Variants in SMC2 observed in about 807,000 individuals in gnomAD.
The protein encoded by SMC2 is structural maintenance of chromosomes protein 2.
A neutral mutation model predicts 142.6 loss-of-function variants in SMC2; 41 were observed. The ratio of observed to expected loss-of-function variants is 0.29; its 90% CI spans 0.22 to 0.37. SMC2 has a LOEUF of 0.37. Ranked by LOEUF, SMC2 falls within the 10% of genes least tolerant of loss-of-function variation. SMC2 has a pLI of 1.00. For missense variants in SMC2, 1,265 were observed against 1,373.7 expected (o/e 0.92, Z 1.25); for synonymous variants, 463 against 457.5 (o/e 1.01, Z -0.15).
intron 22 of SMC2, among the ~76,000 whole-genome samples, chr9:104,133,233 G>A (rs1255847521): frequency 1.3e-5 from 2 of 151,874 alleles, no homozygotes; most frequent in Non-Finnish European, 2.9e-5. Flanking sequence ...TGTAGCATAG[G>A]GCTGTATTCT....
At chr9:104,111,456 GTTAAA>G in intron 9 of SMC2, 120 bp from the exon 10 acceptor site, 1 of 602,280 alleles carries the variant, frequency 1.7e-6, no homozygotes, top group Non-Finnish European at 2.9e-6. Flanking sequence ...AGTTATGATG[GTTAAA>G]TTATTTTATT....
chr9:104,093,972 G>T (rs1490356872), upstream of SMC2, among the ~76,000 whole-genome samples: 2 of 152,202 alleles, frequency 1.3e-5, no homozygotes, highest in Non-Finnish European at 2.9e-5. Flanking sequence ...AGCCAGCACC[G>T]CAGACTGGAG....
chr9:104,090,556 G>A (rs764134529), upstream of SMC2, among the ~76,000 whole-genome samples: 1 of 152,124 alleles, frequency 6.6e-6, no homozygotes, highest in African/African-American at 2.4e-5. Context: ...CAAAACTGCA[G>A]CCCTGCAACA....
intron 24 of SMC2, among the ~76,000 whole-genome samples, chr9:104,138,823 T>G (rs961025454): frequency 2.2e-4 from 34 of 152,226 alleles, no homozygotes; most frequent in Middle Eastern, 3.4e-3. Flanking sequence ...ACTTGAAACC[T>G]TCTTTGATAT....
intron 9 of SMC2, among the ~76,000 whole-genome samples, chr9:104,109,755 T>A (rs1288899111): frequency 2.0e-5 from 3 of 152,106 alleles, no homozygotes; most frequent in Non-Finnish European, 4.4e-5. Flanking sequence ...ATCAAAAAAA[T>A]TAAGAAGAAG....
intron 17 of SMC2, among the ~76,000 whole-genome samples, chr9:104,124,044 T>C (rs1194237138): frequency 6.6e-6 from 1 of 152,206 alleles, no homozygotes; most frequent in Non-Finnish European, 1.5e-5. Flanking sequence ...GTCCTAACAC[T>C]CACAATATAC....
rs2131305362 is a variant in SMC2, at chr9:104,100,181, C to A, written c.569C>A (p.Ala190Asp). ...AAQKTIEKKEAKLKEIKTILE... is the reference protein window; with the variant it reads ...AAQKTIEKKEDKLKEIKTILE... The stretch of plus-strand genomic sequence containing the variant: ...CAGAAAACTATAGAAAAAAAGGAGG[C>A]TAAGCTGAAAGAAATTAAGACGGTA... Residue 190 changes from alanine to aspartate, a missense_variant, in exon 6 of 25, where the codon GCT becomes GAT. Transcript: ENST00000374793. The A allele has an allele frequency of 1.3e-6, 2 of 1,562,074 alleles. No individual in the cohort carries two copies. The highest frequency in any genetic ancestry group is 2.2e-5 in the Admixed American group (1 of 45,984).
chr9:104,090,147 C>A (rs574231026), upstream of SMC2, among the ~76,000 whole-genome samples: 364 of 152,226 alleles, frequency 2.4e-3, 2 homozygotes, highest in Non-Finnish European at 4.0e-3. Flanking sequence ...TTTATAAACT[C>A]ATAGAAATAA....
upstream of SMC2, among the ~76,000 whole-genome samples, chr9:104,093,953 G>C (rs1000182516): frequency 2.0e-5 from 3 of 152,230 alleles, no homozygotes; most frequent in Non-Finnish European, 4.4e-5. Context: ...GGAGAGAAAA[G>C]TAAGCCACAG....
chr9:104,126,547 G>C (rs1463036849), intron 18 of SMC2, 94 bp from the exon 19 acceptor site: 6 of 906,038 alleles, frequency 6.6e-6, no homozygotes, highest in Non-Finnish European at 9.3e-6. Flanking sequence ...GGTCTTACTT[G>C]CATGAGATTA....
rs148614543 is a variant in SMC2, at chr9:104,118,856, A to T, written c.1996+481A>T. Among the ~76,000 whole-genome samples the T allele has an allele frequency of 5.7e-3, 870 of 152,298 alleles. 5 individuals carry two copies. Among genetic ancestry groups the T allele is most frequent in the South Asian group, 0.035 (171 of 4,828 alleles). ...GATAATTCGACAATGCAGATATAGA[A>T]CATGTCTATCATTCTATAAAGCCCT... On this transcript the variant is annotated intron_variant, in intron 15 of 24. Coordinates refer to ENST00000374793, the MANE Select transcript of SMC2 (RefSeq NM_006444.3).
chr9:104,102,296 A>T, intron 8 of SMC2, 103 bp downstream of exon 8: 1 of 1,085,642 alleles, frequency 9.2e-7, no homozygotes, highest in Non-Finnish European at 1.3e-6. Context: ...TTCCGTATTG[A>T]TTTGTTAATC....
chr9:104,105,311 G>A (rs1003747536), intron 9 of SMC2, among the ~76,000 whole-genome samples: 4 of 152,074 alleles, frequency 2.6e-5, no homozygotes, highest in African/African-American at 7.2e-5. Flanking sequence ...CATGCCCAAC[G>A]TACAGGATCC....
chr9:104,111,547 T>A, intron 9 of SMC2, 34 bp from the exon 10 acceptor site: 3 of 1,454,542 alleles, frequency 2.1e-6, no homozygotes, highest in Non-Finnish European at 2.9e-6. Flanking sequence ...TTTCCTGAAA[T>A]ATAATATTTT....
At chr9:104,123,906 T>A (rs1405879761) in intron 17 of SMC2, among the ~76,000 whole-genome samples, 2 of 152,300 alleles carry the variant, frequency 1.3e-5, no homozygotes, top group East Asian at 3.9e-4. Flanking sequence ...TAGTTTAAAT[T>A]TTTGTCATTC....
chr9:104,096,997 C>A (rs949719010), intron 3 of SMC2, among the ~76,000 whole-genome samples: 3 of 151,884 alleles, frequency 2.0e-5, no homozygotes, highest in African/African-American at 7.3e-5. Context: ...TTTTATTTTT[C>A]CCAGTAGAGC....
chr9:104,123,265 G>T, intron 17 of SMC2, 33 bp downstream of exon 17: 2 of 1,598,376 alleles, frequency 1.3e-6, no homozygotes, highest in East Asian at 2.3e-5. Context: ...TTAATCTCTG[G>T]TTTTATTCAT....
chr9:104,098,525 C>T lies in SMC2; in HGVS notation c.398C>T (p.Ser133Phe), dbSNP rs1395168256. The change falls in exon 4 of 25, where the codon TCT becomes TTT. Residue 133 changes from serine to phenylalanine, a missense_variant. Ser to Phe is a radical substitution (Grantham distance 155). Coordinates refer to ENST00000374793, the MANE Select transcript of SMC2 (RefSeq NM_006444.3). ...NNTRVQDLFC[S>F]VGLNVNNPHF... ...ACCAGAGTACAGGATCTCTTCTGTTCTGTTGGCCTTAATGTTAACAACCCT... is the reference window on the plus strand; with the variant it reads ...ACCAGAGTACAGGATCTCTTCTGTTTTGTTGGCCTTAATGTTAACAACCCT... 4 of 1,599,330 alleles carry T rather than the reference C, an allele frequency of 2.5e-6. No homozygotes were observed. The highest frequency in any genetic ancestry group is 3.4e-6 in the Non-Finnish European group (4 of 1,174,562).
chr9:104,100,074 A>C lies in SMC2; in HGVS notation c.481-19A>C, dbSNP rs537992297. 1.5e-6 allele frequency: 2 copies of C among 1,316,070 alleles called. No individual in the cohort carries two copies. The highest frequency in any genetic ancestry group is 2.3e-5 in the East Asian group (1 of 43,002). 81.5% of individuals were successfully genotyped at this position (1,316,070 alleles called of 1,614,324 possible). A position where few individuals can be genotyped will look rare whatever the true frequency, so the allele number is the denominator to read the frequency against. On this transcript the variant is annotated intron_variant, in intron 5 of 24. Transcript: ENST00000374793. ...CACATTGTCTTGGATACTAAACATT[A>C]ATAAAATTGTCATTCCAGATTTTAT...
Sources: allele counts gnomAD v4.1 joint callset (sites outside exome capture counted in the v4.1 genomes callset), GRCh38; gene constraint gnomAD v4.1.1; transcripts MANE v1.5; gene names NCBI Gene and HGNC (gene_info 2026-07-23, HGNC 2026-07-21).